ARHGEF18: variants seen among roughly 807,000 people sequenced by gnomAD.
ARHGEF18 encodes Rho/Rac guanine nucleotide exchange factor 18, also known as rho guanine nucleotide exchange factor 18.
Under a neutral mutation model 155.7 loss-of-function variants are expected in ARHGEF18, and 93 were observed. The observed-to-expected ratio is 0.60, with a 90% CI of 0.50 to 0.71. The LOEUF is 0.71. ARHGEF18 is among the 30% of genes least tolerant of loss of function. The probability of loss-of-function intolerance (pLI) is 0.00; values close to 1 mark genes in which losing one functional copy is unlikely to be tolerated. For synonymous variants in ARHGEF18, 742 were observed against 753.1 expected, an observed-to-expected ratio of 0.99 and a Z score of 0.24; for missense variants, 1,593 against 1,816.1, an observed-to-expected ratio of 0.88 and a Z score of 2.23.
At chr19:7,359,633 C>G (rs1287985635) in intron 1 of ARHGEF18, among the ~76,000 whole-genome samples, 4 of 152,030 alleles carry the variant, frequency 2.6e-5, no homozygotes, top group Non-Finnish European at 5.9e-5. Context: ...TTCTATGATA[C>G]AAGAATGAAT....
At position 7,378,853 on chromosome 19, in the gene ARHGEF18, C is replaced by T. The variant is rs576787913; in HGVS notation, c.600-269C>T. 4.6e-5 allele frequency among the ~76,000 whole-genome samples: 7 copies of T among 152,038 alleles called. No homozygotes were observed. The East Asian group carries it at 9.7e-4, about 21-fold the overall frequency. ...GACTACAGGCGCCCGCCACCACGCCCGGCTAATTTTTGTATTTCTAGTACA... is the reference window on the plus strand; with the variant it reads ...GACTACAGGCGCCCGCCACCACGCCTGGCTAATTTTTGTATTTCTAGTACA... On this transcript the variant is annotated intron_variant, in intron 6 of 28. Transcript: ENST00000668164.
intron 10 of ARHGEF18, among the ~76,000 whole-genome samples, chr19:7,397,153 A>G (rs1971759140): frequency 6.6e-6 from 1 of 151,938 alleles, no homozygotes; most frequent in Non-Finnish European, 1.5e-5. Flanking sequence ...AAAAAGAGCA[A>G]ACAGCTGGCA....
chr19:7,464,161 C>T (rs1204580376), intron 22 of ARHGEF18, among the ~76,000 whole-genome samples: 1 of 152,190 alleles, frequency 6.6e-6, no homozygotes, highest in Non-Finnish European at 1.5e-5. Context: ...CCTCAGCCTA[C>T]CAAGTAGCTG....
At chr19:7,445,734 C>T (rs1974951201) in intron 14 of ARHGEF18, among the ~76,000 whole-genome samples, 1 of 152,098 alleles carries the variant, frequency 6.6e-6, no homozygotes, top group African/African-American at 2.4e-5. Context: ...ATTCTCATGC[C>T]TCAGCCTCCC....
chr19:7,382,617 T>C (rs554859961), intron 8 of ARHGEF18, among the ~76,000 whole-genome samples, 175 bp from the exon 9 acceptor site: 1 of 151,802 alleles, frequency 6.6e-6, no homozygotes, highest in African/African-American at 2.4e-5. Context: ...GCTGAGTGAA[T>C]AAGTAAGACA....
At chr19:7,439,480 C>G (rs1370796700) in intron 10 of ARHGEF18, among the ~76,000 whole-genome samples, 1 of 151,998 alleles carries the variant, frequency 6.6e-6, no homozygotes, top group South Asian at 2.1e-4. Flanking sequence ...TAAAAAGTTG[C>G]ATCTTTCCAT....
At chr19:7,385,815 T>C (rs868287464) in intron 10 of ARHGEF18, among the ~76,000 whole-genome samples, 2 of 135,074 alleles carry the variant, frequency 1.5e-5, no homozygotes, top group Middle Eastern at 8.3e-3. Flanking sequence ...ATTTTAGAGA[T>C]AGGATCTATC....
rs146134631 is a variant in ARHGEF18, at chr19:7,395,163, G to T, written c.967+11960G>T. On this transcript the variant is annotated intron_variant, in intron 10 of 28. Transcript: ENST00000668164. This position sits in a 1 kb window ranked among gnomAD's most constrained non-coding sequence, Gnocchi z 5.0. ...CCCAGCTGCTAGCTACTGTGGATCT[G>T]GGGGGGCCGGACGGAGGCATCGGAG... 9,021 of 985,696 alleles carry T rather than the reference G, an allele frequency of 9.2e-3. 41 individuals carry two copies. The highest frequency in any genetic ancestry group is 0.016 in the African/African-American group (893 of 57,342). The allele number at this position is 985,696 out of a possible 1,614,324, so 61.1% of individuals were successfully genotyped here.
At chr19:7,404,793 C>T (rs2013015604) in intron 10 of ARHGEF18, among the ~76,000 whole-genome samples, 1 of 152,094 alleles carries the variant, frequency 6.6e-6, no homozygotes, top group Admixed American at 6.6e-5. Context: ...GGCCTGAAGA[C>T]AGGGGCCTCA....
Position 7,459,942 on chromosome 19 carries a change from A to G in ARHGEF18, c.2400A>G (p.Glu800=), listed in dbSNP as rs998583976. ...DEEEGPFSLP[E]EERKVVEARA... is the part of the protein sequence containing the mutation. ...AGGAGGGGCCCTTCAGCCTGCCCGA[A>G]GAGGAAAGGAAGGTGGTCGAGGCCC... is the stretch of plus-strand genomic sequence containing the variant. Residue 800 remains glutamate (E), a synonymous_variant, in exon 20 of 29, where the codon GAA becomes GAG. Transcript: ENST00000668164. 47 of 1,591,290 alleles carry G rather than the reference A, an allele frequency of 3.0e-5. No homozygotes were observed. Among genetic ancestry groups the G allele is most frequent in the Non-Finnish European group, 3.9e-5 (46 of 1,168,990 alleles).
intron 1 of ARHGEF18, among the ~76,000 whole-genome samples, chr19:7,358,623 C>T (rs181112352): frequency 2.0e-5 from 3 of 152,316 alleles, no homozygotes; most frequent in Admixed American, 6.5e-5. Context: ...TGGGCACTGA[C>T]TCTGTGCCCA....
intron 3 of ARHGEF18, among the ~76,000 whole-genome samples, chr19:7,375,294 G>GAAAGAAAGA (rs1282789933): frequency 2.8e-5 from 2 of 70,870 alleles, no homozygotes; most frequent in African/African-American, 1.0e-4. Flanking sequence ...AGAAAGAAAA[G>GAAAGAAAGA]AAAGAAAGAA....
chr19:7,469,402 A>C (rs1976873761), intron 27 of ARHGEF18, among the ~76,000 whole-genome samples: 1 of 152,188 alleles, frequency 6.6e-6, no homozygotes, highest in African/African-American at 2.4e-5. Flanking sequence ...GGACACGGGC[A>C]AGAAGGCAGA....
At chr19:7,389,752 C>G (rs1199487169) in intron 10 of ARHGEF18, among the ~76,000 whole-genome samples, 2 of 152,000 alleles carry the variant, frequency 1.3e-5, no homozygotes, top group Admixed American at 1.3e-4. Context: ...CCAGGCTGGT[C>G]TCGAACTCCT....
intron 10 of ARHGEF18, among the ~76,000 whole-genome samples, chr19:7,415,627 G>A (rs936415728): frequency 4.0e-5 from 6 of 151,750 alleles, no homozygotes; most frequent in African/African-American, 1.5e-4. Context: ...TTCTCTGACC[G>A]GTCCAGACCA....
chr19:7,386,301 T>C (rs1487032176), intron 10 of ARHGEF18, among the ~76,000 whole-genome samples: 1 of 147,322 alleles, frequency 6.8e-6, no homozygotes, highest in East Asian at 2.0e-4. Flanking sequence ...GATTACAGAG[T>C]TTGTCAACCT....
chr19:7,399,487 C>CT (rs59714990), intron 10 of ARHGEF18, among the ~76,000 whole-genome samples: 5,273 of 144,190 alleles, frequency 0.037, 117 homozygotes, highest in South Asian at 0.081. Context: ...TTTTTTCCTT[C>CT]TTTTTTTTTT....
At chr19:7,455,266 A>ATCAG (rs1337679656) in intron 17 of ARHGEF18, among the ~76,000 whole-genome samples, 1 of 152,230 alleles carries the variant, frequency 6.6e-6, no homozygotes, top group Non-Finnish European at 1.5e-5. Context: ...CTTTTAAGGC[A>ATCAG]TCAGTCACTG....
the ARHGEF18 span, chr19:7,478,393 C>G: frequency 6.2e-7 from 1 of 1,603,858 alleles, no homozygotes; most frequent in East Asian, 2.2e-5. Context: ...CACCAGAGCC[C>G]GAGGGAGGAT....
Sources: gnomAD v4.1 joint callset for allele counts (sites outside exome capture counted in the v4.1 genomes callset) on GRCh38, gnomAD v4.1.1 for gene constraint, Gnocchi (gnomAD v3.1) non-coding constraint, MANE v1.5 for transcripts, NCBI Gene and HGNC (gene_info 2026-07-23, HGNC 2026-07-21) for gene names.